Variants in PZP observed in about 807,000 individuals in gnomAD.
PZP encodes PZP alpha-2-macroglobulin like.
Under a neutral mutation model 179.8 loss-of-function variants are expected in PZP, and 150 were observed. The observed-to-expected ratio is 0.83, with a 90% CI of 0.73 to 0.96. The LOEUF is 0.96. Among genes scored for constraint, PZP ranks in the 40% least tolerant of loss-of-function variants. PZP has a pLI of 0.00. For missense variants in PZP, 1,689 were observed against 1,764.0 expected (o/e 0.96, Z 0.76); for synonymous variants, 624 against 652.3 (o/e 0.96, Z 0.66).
chr12:9,169,332 C>T, intron 16 of PZP, 98 bp downstream of exon 16: 1 of 1,188,698 alleles, frequency 8.4e-7, no homozygotes, highest in South Asian at 1.7e-5. Context: ...AATGGAGAGG[C>T]AAGGCTACAT....
At position 9,152,893 on chromosome 12, in the gene PZP, A is replaced by C. The variant is rs1464397373; in HGVS notation, c.4052T>G (p.Val1351Gly). 12 of 1,614,126 alleles carry C rather than the reference A, an allele frequency of 7.4e-6. No individual in the cohort carries two copies. The highest frequency in any genetic ancestry group is 8.5e-6 in the Non-Finnish European group (10 of 1,180,008). The change falls in exon 31 of 36, where the codon GTG becomes GGG. Residue 1351 changes from valine (V) to glycine (G), a missense_variant. This residue lies in a region of PZP where 746 missense variants were observed against 749.2 expected (regional missense o/e 1.00). Coordinates refer to ENST00000261336, the MANE Select transcript of PZP (RefSeq NM_002864.3). ...EKEDSPFALK[V>G]QTVPQTCDGH... ...ATCGCAAGTTTGGGGCACAGTCTGCACTTTTAAAGCAAATGGGGAGTCCTC... is the reference window on the plus strand; with the variant it reads ...ATCGCAAGTTTGGGGCACAGTCTGCCCTTTTAAAGCAAATGGGGAGTCCTC...
At position 9,175,133 on chromosome 12, in the gene PZP, A is replaced by G. The variant is rs1248216933; in HGVS notation, c.1840-5542T>C. On this transcript the variant is annotated intron_variant, in intron 15 of 35. Coordinates refer to ENST00000261336, the MANE Select transcript of PZP (RefSeq NM_002864.3). The stretch of plus-strand genomic sequence containing the variant: ...CAGACACATAGACCAATGGTACAGA[A>G]TAGAGAACTCAGAGATAAAACCGCA... 3.9e-5 allele frequency among the ~76,000 whole-genome samples: 6 copies of G among 152,340 alleles called. No homozygotes were observed. In the East Asian group the frequency reaches 1.2e-3, roughly 29 times the overall value.
intron 7 of PZP, among the ~76,000 whole-genome samples, chr12:9,199,947 A>G (rs987006294): frequency 1.3e-5 from 2 of 152,198 alleles, no homozygotes; most frequent in African/African-American, 4.8e-5. Flanking sequence ...TTATGAGACC[A>G]TTTTTAGGAC....
intron 31 of PZP, among the ~76,000 whole-genome samples, chr12:9,152,585 A>G (rs1036911177): frequency 2.6e-5 from 4 of 152,166 alleles, no homozygotes; most frequent in African/African-American, 9.7e-5. Flanking sequence ...CATTTTTAAC[A>G]TATCTATGGT....
chr12:9,164,126 C>A lies in PZP; in HGVS notation c.2614+7G>T, dbSNP rs958275685. ...ATTGATAGGCCCTTTTGGGTACTGTCACTCACCCAGAGTTTTAGGAGTCAC... is the reference window on the plus strand; with the variant it reads ...ATTGATAGGCCCTTTTGGGTACTGTAACTCACCCAGAGTTTTAGGAGTCAC... On this transcript the variant is annotated splice_region_variant and intron_variant, in intron 20 of 35. Coordinates refer to ENST00000261336, the MANE Select transcript of PZP (RefSeq NM_002864.3). 14 of 1,609,640 alleles carry A rather than the reference C, an allele frequency of 8.7e-6. No homozygotes were observed. The highest frequency in any genetic ancestry group is 1.2e-5 in the Non-Finnish European group (14 of 1,176,462).
At chr12:9,201,645 A>G (rs1291987524) in intron 4 of PZP, among the ~76,000 whole-genome samples, 1 of 152,154 alleles carries the variant, frequency 6.6e-6, no homozygotes, top group Non-Finnish European at 1.5e-5. Context: ...CTCCTAGTGA[A>G]TAATATGACT....
At chr12:9,155,369 T>C (rs1032190838) in intron 28 of PZP, among the ~76,000 whole-genome samples, 2 of 152,200 alleles carry the variant, frequency 1.3e-5, no homozygotes, top group South Asian at 2.1e-4. Context: ...ACTACTTCCA[T>C]TGTAGGTGAT....
chr12:9,196,542 T>A, intron 9 of PZP, 29 bp downstream of exon 9: 1 of 1,576,282 alleles, frequency 6.3e-7, no homozygotes, highest in Non-Finnish European at 8.7e-7. Context: ...ACTATTGTTT[T>A]ATTTCCCATA....
chr12:9,198,955 G>A (rs1943997396), intron 7 of PZP, among the ~76,000 whole-genome samples: 1 of 152,104 alleles, frequency 6.6e-6, no homozygotes, highest in Non-Finnish European at 1.5e-5. Flanking sequence ...TGCTCCCTCT[G>A]GGACTGTTTG....
chr12:9,151,674 T>C lies in PZP; in HGVS notation c.4213-2A>G. 1 of 1,613,086 alleles carries C rather than the reference T, an allele frequency of 6.2e-7. No individual in the cohort carries two copies. Among genetic ancestry groups the C allele is most frequent in the East Asian group, 2.2e-5 (1 of 44,868 alleles). Reference sequence around the variant, plus strand: ...GCTCACAGAGCTAGATCTTTCAAGCTGGAGAGAATTAGAAAACTTCAGTTA... The same window carrying C: ...GCTCACAGAGCTAGATCTTTCAAGCCGGAGAGAATTAGAAAACTTCAGTTA... On this transcript the variant is annotated splice_acceptor_variant, in intron 32 of 35. Coordinates refer to ENST00000261336, the MANE Select transcript of PZP (RefSeq NM_002864.3). LOFTEE classifies it high-confidence loss of function.
At position 9,160,390 on chromosome 12, in the gene PZP, A is replaced by T. The variant is rs1941091033; in HGVS notation, c.2973T>A (p.Tyr991Ter). Reference protein sequence around the residue: ...QNMVLFAPNIYVLNYLNETQQ... With the variant: ...QNMVLFAPNI The stretch of plus-strand genomic sequence containing the variant: ...GGGTTTCATTCAGATAGTTCAAGAC[A>T]TAGATGTTAGGAGCAAATAGGACCA... Residue 991 changes from tyrosine (Y) to a stop codon, truncating the protein, a stop_gained, in exon 24 of 36, where the codon TAT becomes TAA. Transcript: ENST00000261336. LOFTEE classifies it high-confidence loss of function. The T allele has an allele frequency of 1.2e-6, 2 of 1,614,180 alleles. No homozygotes were observed. The highest frequency in any genetic ancestry group is 1.7e-6 in the Non-Finnish European group (2 of 1,180,012).
chr12:9,198,029 C>A (rs2121179330), intron 7 of PZP, among the ~76,000 whole-genome samples: 1 of 113,634 alleles, frequency 8.8e-6, no homozygotes, highest in South Asian at 2.8e-4. Context: ...ACAGTGCAGT[C>A]ATATATATAT....
rs149793690 is a variant in PZP at position 9,203,865 on chromosome 12, A to G, written c.170T>C (p.Val57Ala). ...AGACTCCAAGGAAGCACTTACAGTC[A>G]CTGTCTCATTCAGGTGGCTCAGAAG... ...CVLLSHLNET[V>A]TVSASLESGR... The change falls in exon 2 of 36, where the codon GTG (valine) becomes GCG (alanine). Residue 57 changes from valine (V) to alanine (A), a missense_variant. By Grantham distance (64) the Val-to-Ala change is moderately conservative. Transcript: ENST00000261336. 9.7e-5 allele frequency: 157 copies of G among 1,614,036 alleles called. No homozygotes were observed. Among genetic ancestry groups the G allele is most frequent in the Non-Finnish European group, 1.3e-4 (152 of 1,180,026 alleles).
Position 9,200,395 on chromosome 12 carries a change from C to G in PZP, c.724G>C (p.Asp242His), listed in dbSNP as rs1463798670. The change falls in exon 7 of 36, where the codon GAT (aspartate) becomes CAT (histidine). Residue 242 changes from aspartate to histidine, a missense_variant. By Grantham distance (81) the Asp-to-His change is moderately conservative (BLOSUM62 -1). Transcript: ENST00000261336. ...CAGACTGTTATGTTCACTTTTTCAT[C>G]CATGATACTGATTATCTTTGGCACC... ...VQVPKIISIM[D>H]EKVNITVCGE... The G allele has an allele frequency of 2.6e-5, 42 of 1,610,868 alleles. No homozygotes were observed. Among genetic ancestry groups the G allele is most frequent in the Non-Finnish European group, 3.6e-5 (42 of 1,177,334 alleles).
At chr12:9,201,146 G>T in intron 5 of PZP, 86 bp from the exon 6 acceptor site, 1 of 1,511,208 alleles carries the variant, frequency 6.6e-7, no homozygotes, top group Non-Finnish European at 9.1e-7. Flanking sequence ...GTGATAATTA[G>T]CATTGCCTCT....
chr12:9,170,701 C>A lies in PZP; in HGVS notation c.1840-1110G>T, dbSNP rs748101378. Among the ~76,000 whole-genome samples, 2 of 152,176 alleles carry A rather than the reference C, an allele frequency of 1.3e-5. No homozygotes were observed. The highest frequency in any genetic ancestry group is 2.4e-5 in the African/African-American group (1 of 41,432). On this transcript the variant is annotated intron_variant, in intron 15 of 35. Transcript: ENST00000261336. This position sits in a 1 kb window ranked among gnomAD's most constrained non-coding sequence, Gnocchi z 4.6. ...ATGGTCTGGATGAGGAACGGTCCCC[C>A]ACGATGCAGCACAGCTGCCTTGCCA...
At chr12:9,181,798 G>C (rs1193730075) in intron 14 of PZP, among the ~76,000 whole-genome samples, 177 bp downstream of exon 14, 1 of 152,086 alleles carries the variant, frequency 6.6e-6, no homozygotes, top group Non-Finnish European at 1.5e-5. Context: ...TAGCAGCTTT[G>C]TGTAATTGAA....
At chr12:9,189,196 T>C (rs1288057558) in intron 13 of PZP, among the ~76,000 whole-genome samples, 1 of 152,062 alleles carries the variant, frequency 6.6e-6, no homozygotes, top group East Asian at 1.9e-4. Context: ...GCCAAGGCAA[T>C]CCTAAGCAAA....
At chr12:9,171,535 G>A (rs75611226) in intron 15 of PZP, among the ~76,000 whole-genome samples, 5,890 of 152,278 alleles carry the variant, frequency 0.039, 395 homozygotes, top group African/African-American at 0.13. Context: ...ACTTCAGAAA[G>A]TGGATAACAA....
Sources: gnomAD v4.1 joint callset for allele counts (sites outside exome capture counted in the v4.1 genomes callset) on GRCh38, gnomAD v4.1.1 for gene constraint, gnomAD v4.1.1 regional missense constraint, Gnocchi (gnomAD v3.1) non-coding constraint, MANE v1.5 for transcripts, NCBI Gene and HGNC (gene_info 2026-07-23, HGNC 2026-07-21) for gene names.